Variants in DNM2 observed in about 807,000 individuals in gnomAD.
DNM2 encodes the protein dynamin 2.
A neutral mutation model predicts 99.0 loss-of-function variants in DNM2; 15 were observed. The observed-to-expected ratio is 0.15, with a 90% CI of 0.10 to 0.23. DNM2 has a LOEUF of 0.23. DNM2 is among the 10% of genes least tolerant of loss of function. The probability of loss-of-function intolerance (pLI) is 1.00; values close to 1 mark genes in which losing one functional copy is unlikely to be tolerated. For synonymous variants in DNM2, 525 were observed against 481.2 expected, an observed-to-expected ratio of 1.09 and a Z score of -1.19; for missense variants, 742 against 1,189.4, an observed-to-expected ratio of 0.62 and a Z score of 5.53.
chr19:10,743,857 T>G (rs1599460843), intron 1 of DNM2, among the ~76,000 whole-genome samples: 1 of 136,168 alleles, frequency 7.3e-6, no homozygotes, highest in Admixed American at 7.6e-5. Flanking sequence ...TGTGGTGGCG[T>G]GCGCCTGTAG....
In DNM2 at chr19:10,817,179, AT is replaced by A. The variant is rs1228215972; in HGVS notation, c.1672-2798del. ...AGACACAAGACATCAATATCTCTTT[AT>A]TTAAAAAATAAACAAGACATTTACA... On this transcript the variant is annotated intron_variant, in intron 15 of 20. Coordinates refer to ENST00000389253, the MANE Select transcript of DNM2 (RefSeq NM_001005361.3). The surrounding 1 kb of genome is among the most constrained non-coding windows in gnomAD (Gnocchi z 4.6). Among the ~76,000 whole-genome samples the A allele has an allele frequency of 2.8e-4, 42 of 152,174 alleles. No homozygotes were observed. The highest frequency in any genetic ancestry group is 7.4e-5 in the Non-Finnish European group (5 of 68,018).
chr19:10,754,001 A>ATTTTT (rs1491176471), intron 1 of DNM2, among the ~76,000 whole-genome samples: 13 of 152,324 alleles, frequency 8.5e-5, no homozygotes, highest in African/African-American at 3.1e-4. Context: ...GTTTTCAAAA[A>ATTTTT]GAAAACATAT....
rs1230360031 is a variant in DNM2, at chr19:10,796,346, A to C, written c.1196+907A>C. 1.6e-6 allele frequency: 2 copies of C among 1,243,350 alleles called. No individual in the cohort carries two copies. The highest frequency in any genetic ancestry group is 1.1e-6 in the Non-Finnish European group (1 of 871,268). The allele number at this position is 1,243,350 out of a possible 1,614,324, so 77.0% of individuals were successfully genotyped here. A position where few individuals can be genotyped will look rare whatever the true frequency, so the allele number is the denominator to read the frequency against. On this transcript the variant is annotated intron_variant, in intron 9 of 20. Transcript: ENST00000389253. The surrounding 1 kb of genome is among the most constrained non-coding windows in gnomAD (Gnocchi z 5.6). ...GTCCGTGAACTTGGCCTCTCCCCAGAGGCTGGGGCAGGAGCATGTAGGCCT... is the reference window on the plus strand; with the variant it reads ...GTCCGTGAACTTGGCCTCTCCCCAGCGGCTGGGGCAGGAGCATGTAGGCCT...
intron 15 of DNM2, among the ~76,000 whole-genome samples, chr19:10,814,702 T>G (rs1005356773): frequency 1.3e-5 from 2 of 152,176 alleles, no homozygotes; most frequent in African/African-American, 4.8e-5. Context: ...AGCTCCCACG[T>G]ATGAGTGACA....
intron 1 of DNM2, among the ~76,000 whole-genome samples, chr19:10,737,943 C>T (rs2069590109): frequency 6.6e-6 from 1 of 152,174 alleles, no homozygotes; most frequent in African/African-American, 2.4e-5. Flanking sequence ...CATTGATGTA[C>T]TTGTCAATCA....
chr19:10,782,869 T>A (rs1417080673), intron 5 of DNM2, 91 bp from the exon 6 acceptor site: 65 of 1,569,388 alleles, frequency 4.1e-5, no homozygotes, highest in Admixed American at 8.3e-5. Flanking sequence ...TGGGACAGGA[T>A]CCATCTCTAT....
At chr19:10,826,028 T>C (rs2073133003) in intron 18 of DNM2, among the ~76,000 whole-genome samples, 1 of 151,940 alleles carries the variant, frequency 6.6e-6, no homozygotes, top group African/African-American at 2.4e-5. Context: ...GAGCAAGACC[T>C]TGTGTCCAAC....
chr19:10,742,644 G>T (rs2069796465), intron 1 of DNM2, among the ~76,000 whole-genome samples: 2 of 152,176 alleles, frequency 1.3e-5, no homozygotes, highest in African/African-American at 4.8e-5. Flanking sequence ...GGAGTCCAAG[G>T]TTTCCTTTCC....
intron 7 of DNM2, among the ~76,000 whole-genome samples, chr19:10,790,207 A>C (rs2071702781): frequency 6.6e-6 from 1 of 152,226 alleles, no homozygotes; most frequent in Non-Finnish European, 1.5e-5. Context: ...TTCTTGTTAA[A>C]GCAAAGCCTG....
chr19:10,776,711 T>G (rs955594923), intron 4 of DNM2, among the ~76,000 whole-genome samples: 3 of 152,160 alleles, frequency 2.0e-5, no homozygotes, highest in African/African-American at 7.2e-5. Context: ...AGGCAAGAGG[T>G]AGTCCTGGAA....
intron 1 of DNM2, among the ~76,000 whole-genome samples, chr19:10,748,467 C>T (rs1333447686): frequency 2.0e-5 from 3 of 152,132 alleles, no homozygotes; most frequent in East Asian, 1.9e-4. Flanking sequence ...CACCTACCTG[C>T]GGACACTGTG....
At chr19:10,719,386 T>C (rs2068861671) in intron 1 of DNM2, among the ~76,000 whole-genome samples, 1 of 151,948 alleles carries the variant, frequency 6.6e-6, no homozygotes, top group African/African-American at 2.4e-5. Flanking sequence ...GCCTACAAAT[T>C]GGGGGCCCTC....
intron 7 of DNM2, among the ~76,000 whole-genome samples, chr19:10,788,687 T>A (rs1011804756): frequency 1.2e-4 from 18 of 152,194 alleles, no homozygotes; most frequent in Non-Finnish European, 2.4e-4. Context: ...GGGAAGCAGG[T>A]GTGCCCCCAC....
Position 10,786,707 on chromosome 19 carries a change from G to A in DNM2, c.992+1G>A, listed in dbSNP as rs1328038767. 6.2e-7 allele frequency: 1 copy of A among 1,614,042 alleles called. No homozygotes were observed. The highest frequency in any genetic ancestry group is 2.2e-5 in the East Asian group (1 of 44,876). ...CCCGCAAAACCAAAGCCCTGCTGCAGTATGTACCCCGGCACCCACCACCAC... is the reference window on the plus strand; with the variant it reads ...CCCGCAAAACCAAAGCCCTGCTGCAATATGTACCCCGGCACCCACCACCAC... On this transcript the variant is annotated splice_donor_variant, in intron 7 of 20. Coordinates refer to ENST00000389253, the MANE Select transcript of DNM2 (RefSeq NM_001005361.3). LOFTEE classifies it high-confidence loss of function.
chr19:10,797,026 A>C (rs2071959693), intron 9 of DNM2, among the ~76,000 whole-genome samples: 2 of 152,020 alleles, frequency 1.3e-5, no homozygotes, highest in African/African-American at 4.8e-5. Context: ...AGCTTCTTCG[A>C]TTAGAAAAGG....
intron 2 of DNM2, among the ~76,000 whole-genome samples, chr19:10,760,210 T>G (rs2070572085): frequency 6.6e-6 from 1 of 151,534 alleles, no homozygotes; most frequent in African/African-American, 2.4e-5. Flanking sequence ...TTTTTTTTTT[T>G]TTGTATTTTT....
chr19:10,720,504 A>G (rs948772430), intron 1 of DNM2, among the ~76,000 whole-genome samples: 6 of 151,968 alleles, frequency 3.9e-5, no homozygotes, highest in Non-Finnish European at 8.8e-5. Context: ...TGAGCCACCA[A>G]GCCTCGCCCC....
chr19:10,768,116 G>C (rs959885332), intron 2 of DNM2, among the ~76,000 whole-genome samples: 1 of 152,020 alleles, frequency 6.6e-6, no homozygotes, highest in Admixed American at 6.6e-5. Context: ...CACATGGAGG[G>C]GTTGGCCGAC....
intron 7 of DNM2, among the ~76,000 whole-genome samples, chr19:10,792,805 G>A (rs965591249): frequency 1.1e-4 from 17 of 151,836 alleles, no homozygotes; most frequent in African/African-American, 4.1e-4. Flanking sequence ...ACGGGGTTTC[G>A]CCATGTTGTC....
Sources: gnomAD v4.1 joint callset for allele counts (sites outside exome capture counted in the v4.1 genomes callset) on GRCh38, gnomAD v4.1.1 for gene constraint, Gnocchi (gnomAD v3.1) non-coding constraint, MANE v1.5 for transcripts, NCBI Gene and HGNC (gene_info 2026-07-23, HGNC 2026-07-21) for gene names.